The following SESN1 variants were observed in gnomAD, a reference collection of about 807,000 sequenced individuals.
SESN1 encodes the protein sestrin-1.
SESN1 carries 30 observed loss-of-function variants against 59.3 expected under a neutral mutation model. The ratio of observed to expected loss-of-function variants is 0.51; its 90% CI spans 0.38 to 0.69. The LOEUF (loss-of-function observed/expected upper bound fraction) is 0.69. SESN1 is among the 30% of genes least tolerant of loss of function. The pLI, the probability that SESN1 is intolerant of heterozygous loss-of-function variation, is 0.00. For synonymous variants in SESN1, 197 were observed against 219.9 expected, an observed-to-expected ratio of 0.90 and a Z score of 0.92; for missense variants, 566 against 673.0, an observed-to-expected ratio of 0.84 and a Z score of 1.76.
chr6:108,998,551 C>T lies in SESN1; in HGVS notation c.934G>A (p.Val312Met), dbSNP rs548806605. The change falls in exon 5 of 10, where the codon GTG (valine) becomes ATG (methionine). Residue 312 changes from valine to methionine, a missense_variant. By Grantham distance (21) the Val-to-Met change is conservative (BLOSUM62 1). Transcript: ENST00000436639. ...ICDITNGNHS[V>M]DEMPVNSAEN... The stretch of plus-strand genomic sequence containing the variant: ...GCTGAGTTGACCGGCATCTCATCCA[C>T]ACTGTGATTGCCATTTGTAATGTCA... The T allele has an allele frequency of 1.2e-6, 2 of 1,613,934 alleles. No homozygotes were observed. The highest frequency in any genetic ancestry group is 1.3e-5 in the African/African-American group (1 of 75,036).
chr6:109,047,346 G>C (rs1780466883), intron 1 of SESN1, among the ~76,000 whole-genome samples: 2 of 132,966 alleles, frequency 1.5e-5, no homozygotes, highest in Non-Finnish European at 3.4e-5. Flanking sequence ...AGGGAGGTGG[G>C]GGGGTCAGCC....
At chr6:109,043,774 C>T (rs1343683300) in intron 1 of SESN1, among the ~76,000 whole-genome samples, 1 of 152,118 alleles carries the variant, frequency 6.6e-6, no homozygotes, top group Non-Finnish European at 1.5e-5. Context: ...TCCATTTTTC[C>T]CATCTGTAAG....
chr6:109,076,194 C>T (rs1331637419), intron 1 of SESN1, among the ~76,000 whole-genome samples: 1 of 152,202 alleles, frequency 6.6e-6, no homozygotes, highest in Non-Finnish European at 1.5e-5. Context: ...CTGTGGTTTG[C>T]AGCTTCAATT....
At chr6:109,063,899 A>G (rs1239390765) in intron 1 of SESN1, among the ~76,000 whole-genome samples, 1 of 152,174 alleles carries the variant, frequency 6.6e-6, no homozygotes, top group Non-Finnish European at 1.5e-5. Flanking sequence ...CTTTAAAAAA[A>G]AAAGAAAAAA....
In SESN1 at chr6:109,088,109, G is replaced by A. The variant is rs529636398; in HGVS notation, c.279+5686C>T. The A allele has an allele frequency of 3.9e-5, 6 of 152,242 alleles. 1 individual carries two copies. The South Asian group carries it at 1.2e-3, about 32-fold the overall frequency. The allele number at this position is 152,242 out of a possible 1,614,324, so 9.4% of individuals were successfully genotyped here. On this transcript the variant is annotated intron_variant, in intron 1 of 9. Coordinates refer to ENST00000436639, the MANE Select transcript of SESN1 (RefSeq NM_014454.3). The stretch of plus-strand genomic sequence containing the variant: ...AGAAACTGAGAGGAAGTCTGCTAGA[G>A]GGTTTCTGGGAAAGGTTTTCTTCCC...
intron 8 of SESN1, among the ~76,000 whole-genome samples, chr6:108,989,636 TATAA>T (rs1458943937): frequency 3.4e-5 from 5 of 147,378 alleles, no homozygotes; most frequent in East Asian, 2.0e-4. Context: ...AATTTACTTG[TATAA>T]ATAAATAAAA....
chr6:108,991,658 C>T (rs1779387343), intron 7 of SESN1, among the ~76,000 whole-genome samples: 1 of 152,164 alleles, frequency 6.6e-6, no homozygotes, highest in Non-Finnish European at 1.5e-5. Flanking sequence ...ATTAAATCTC[C>T]TTGCCTCCTT....
intron 1 of SESN1, among the ~76,000 whole-genome samples, chr6:109,020,928 A>G (rs536312644): frequency 4.5e-4 from 68 of 152,340 alleles, no homozygotes; most frequent in Non-Finnish European, 8.8e-4. Flanking sequence ...TCCCTAAAAA[A>G]GGAATTAAAG....
intron 1 of SESN1, among the ~76,000 whole-genome samples, chr6:109,033,306 G>A (rs528112810): frequency 6.6e-6 from 1 of 152,226 alleles, no homozygotes; most frequent in African/African-American, 2.4e-5. Flanking sequence ...ATGTAAGAAG[G>A]CAGACTGTTA....
chr6:108,988,648 C>T lies in SESN1; in HGVS notation c.1464G>A (p.Leu488=), dbSNP rs1309854333. 5.6e-6 allele frequency: 9 copies of T among 1,610,002 alleles called. No homozygotes were observed. The South Asian group carries it at 7.7e-5, about 14-fold the overall frequency. ...TGATATAAACTTTAAAGCTACGATCCAATAGCTGGTTAATTTCACCATAGT... is the reference window on the plus strand; with the variant it reads ...TGATATAAACTTTAAAGCTACGATCTAATAGCTGGTTAATTTCACCATAGT... ...DYDYGEINQL[L]DRSFKVYIKT... Residue 488 remains leucine, a synonymous_variant, in exon 9 of 10, where the codon TTG becomes TTA. Coordinates refer to ENST00000436639, the MANE Select transcript of SESN1 (RefSeq NM_014454.3).
intron 1 of SESN1, among the ~76,000 whole-genome samples, chr6:109,079,420 T>C (rs1267721254): frequency 6.6e-6 from 1 of 152,146 alleles, no homozygotes; most frequent in Admixed American, 6.6e-5. Flanking sequence ...TTTCATCATG[T>C]TATAACAGAT....
At chr6:108,994,964 A>T (rs1779474257) in intron 5 of SESN1, among the ~76,000 whole-genome samples, 1 of 152,150 alleles carries the variant, frequency 6.6e-6, no homozygotes, top group African/African-American at 2.4e-5. Context: ...TCGGCCTTCC[A>T]AAGTGCTGGG....
intron 1 of SESN1, among the ~76,000 whole-genome samples, chr6:109,025,064 A>AGGCAAATC (rs1367226653): frequency 6.6e-6 from 1 of 152,144 alleles, no homozygotes; most frequent in East Asian, 1.9e-4. Flanking sequence ...AGAAAACAGA[A>AGGCAAATC]GGCAAATCCT....
intron 1 of SESN1, among the ~76,000 whole-genome samples, chr6:109,073,844 T>G (rs1278070522): frequency 6.6e-6 from 1 of 152,236 alleles, no homozygotes; most frequent in East Asian, 1.9e-4. Flanking sequence ...TGACTTATTT[T>G]CTTTTTAATG....
chr6:109,091,014 A>T (rs1296832993), intron 1 of SESN1, among the ~76,000 whole-genome samples: 2 of 152,042 alleles, frequency 1.3e-5, no homozygotes, highest in Admixed American at 1.3e-4. Flanking sequence ...ACCTCAGGAG[A>T]TCTTTCCACC....
chr6:109,061,720 C>T (rs1307307771), intron 1 of SESN1, among the ~76,000 whole-genome samples: 1 of 152,050 alleles, frequency 6.6e-6, no homozygotes, highest in African/African-American at 2.4e-5. Context: ...GGGAAGATGG[C>T]TTGAGCCCAG....
intron 1 of SESN1, among the ~76,000 whole-genome samples, chr6:109,012,950 C>T (rs1194806517): frequency 6.7e-6 from 1 of 150,162 alleles, no homozygotes; most frequent in African/African-American, 2.4e-5. Context: ...CCCGTCTCTA[C>T]TGAAAATACA....
chr6:109,093,906 G>C lies in SESN1; in HGVS notation c.168C>G (p.Thr56=). Residue 56 remains threonine (T), a synonymous_variant, in exon 1 of 10, where the codon ACC becomes ACG. Coordinates refer to ENST00000436639, the MANE Select transcript of SESN1 (RefSeq NM_014454.3). ...PHRPSDGLSN[T]ESSDGLNKLL... ...GCTTATTCAACCCATCCGAAGACTC[G>C]GTATTTGAAAGCCCGTCTGATGGAC... The C allele has an allele frequency of 6.2e-7, 1 of 1,614,108 alleles. No homozygotes were observed. The highest frequency in any genetic ancestry group is 8.5e-7 in the Non-Finnish European group (1 of 1,180,026).
At chr6:109,004,877 T>C (rs1215673512) in intron 1 of SESN1, among the ~76,000 whole-genome samples, 1 of 152,228 alleles carries the variant, frequency 6.6e-6, no homozygotes, top group East Asian at 1.9e-4. Context: ...GATCAAAAAG[T>C]TTGATCACAG....
Sources: allele counts gnomAD v4.1 joint callset (sites outside exome capture counted in the v4.1 genomes callset), GRCh38; gene constraint gnomAD v4.1.1; transcripts MANE v1.5; gene names NCBI Gene and HGNC (gene_info 2026-07-23, HGNC 2026-07-21).